The following OSBPL1A variants were observed in gnomAD, a reference collection of about 807,000 sequenced individuals.
The protein encoded by OSBPL1A is oxysterol-binding protein-related protein 1.
Under a neutral mutation model 137.1 loss-of-function variants are expected in OSBPL1A, and 80 were observed. The observed-to-expected ratio is 0.58, with a 90% CI of 0.49 to 0.70. The LOEUF (loss-of-function observed/expected upper bound fraction) is 0.70. Among genes scored for constraint, OSBPL1A ranks in the 30% least tolerant of loss-of-function variants. The probability of loss-of-function intolerance (pLI) is 0.00; values close to 1 mark genes in which losing one functional copy is unlikely to be tolerated. For missense variants in OSBPL1A, 970 were observed against 1,129.4 expected (o/e 0.86, Z 2.02); for synonymous variants, 365 against 389.7 (o/e 0.94, Z 0.75).
intron 7 of OSBPL1A, among the ~76,000 whole-genome samples, chr18:24,322,269 C>T (rs977304730): frequency 2.0e-5 from 3 of 148,994 alleles, no homozygotes; most frequent in African/African-American, 7.4e-5. Flanking sequence ...ACCATCACGC[C>T]CGGCTAATTT....
intron 15 of OSBPL1A, among the ~76,000 whole-genome samples, chr18:24,278,342 C>T (rs113637946): frequency 6.6e-6 from 1 of 152,148 alleles, no homozygotes; most frequent in African/African-American, 2.4e-5. Context: ...ATAAAAGCTC[C>T]AAGATACTAT....
intron 7 of OSBPL1A, among the ~76,000 whole-genome samples, chr18:24,320,411 G>C (rs550527951): frequency 6.6e-6 from 1 of 152,180 alleles, no homozygotes; most frequent in Admixed American, 6.5e-5. Context: ...GGAGGATGAG[G>C]GGTTGATCAG....
chr18:24,369,865 G>A (rs1362427946), intron 2 of OSBPL1A, among the ~76,000 whole-genome samples: 1 of 152,136 alleles, frequency 6.6e-6, no homozygotes, highest in Non-Finnish European at 1.5e-5. Context: ...TTATTCTTCA[G>A]GTGGGGTCCC....
At chr18:24,380,551 C>A (rs1906501251) in intron 1 of OSBPL1A, among the ~76,000 whole-genome samples, 1 of 152,228 alleles carries the variant, frequency 6.6e-6, no homozygotes, top group Non-Finnish European at 1.5e-5. Flanking sequence ...ATTCCTGGAT[C>A]CAGGATCCCA....
intron 17 of OSBPL1A, among the ~76,000 whole-genome samples, chr18:24,205,977 G>A (rs1033421369): frequency 6.6e-6 from 1 of 150,760 alleles, no homozygotes; most frequent in Admixed American, 6.6e-5. Flanking sequence ...TGCAACCTCC[G>A]CCTCTGGGGT....
intron 1 of OSBPL1A, among the ~76,000 whole-genome samples, chr18:24,378,392 G>C (rs531816946): frequency 1.3e-5 from 2 of 152,216 alleles, no homozygotes; most frequent in Admixed American, 6.5e-5. Context: ...CAGCAATTTG[G>C]CAATATCAAA....
At chr18:24,310,232 T>A (rs902680642) in intron 13 of OSBPL1A, among the ~76,000 whole-genome samples, 1 of 151,440 alleles carries the variant, frequency 6.6e-6, no homozygotes, top group South Asian at 2.1e-4. Context: ...GAACAAAACA[T>A]TAAGGAATAA....
At chr18:24,338,151 C>T (rs1488805007) in intron 5 of OSBPL1A, among the ~76,000 whole-genome samples, 1 of 151,334 alleles carries the variant, frequency 6.6e-6, no homozygotes, top group Non-Finnish European at 1.5e-5. Flanking sequence ...CGGCTCACTG[C>T]AACCTCTGCC....
intron 18 of OSBPL1A, among the ~76,000 whole-genome samples, chr18:24,195,453 GGGTACAC>G (rs1207883601): frequency 6.6e-6 from 1 of 152,186 alleles, no homozygotes; most frequent in Non-Finnish European, 1.5e-5. Context: ...AGTGCTCCCA[GGGTACAC>G]ATTCAATTGC....
chr18:24,231,941 CA>C (rs2088296131), intron 16 of OSBPL1A, among the ~76,000 whole-genome samples: 1 of 152,176 alleles, frequency 6.6e-6, no homozygotes, highest in African/African-American at 2.4e-5. Context: ...AAATAGTACA[CA>C]AAGCAGCAAG....
chr18:24,339,134 G>T (rs941261472), intron 5 of OSBPL1A, among the ~76,000 whole-genome samples: 3 of 152,068 alleles, frequency 2.0e-5, no homozygotes, highest in Non-Finnish European at 2.9e-5. Flanking sequence ...ACTACGCCCA[G>T]CTAATTTTTG....
intron 7 of OSBPL1A, among the ~76,000 whole-genome samples, chr18:24,323,241 GAATAAAAAAC>G (rs1351395101): frequency 6.6e-6 from 1 of 151,724 alleles, no homozygotes; most frequent in Non-Finnish European, 1.5e-5. Context: ...ACAGATGAGT[GAATAAAAAAC>G]AATAAAAAAT....
At chr18:24,212,126 G>C (rs2087563142) in intron 17 of OSBPL1A, among the ~76,000 whole-genome samples, 1 of 151,150 alleles carries the variant, frequency 6.6e-6, no homozygotes, top group African/African-American at 2.4e-5. Context: ...GGAGTACAGT[G>C]GTGTGATCTT....
intron 14 of OSBPL1A, among the ~76,000 whole-genome samples, chr18:24,293,127 AAG>A (rs1457367978): frequency 7.9e-4 from 49 of 61,930 alleles, no homozygotes; most frequent in African/African-American, 1.3e-3. Flanking sequence ...AAAAAAAAAA[AAG>A]AAAAGAAAAG....
chr18:24,359,655 T>C (rs2091592548), intron 4 of OSBPL1A, among the ~76,000 whole-genome samples: 1 of 151,612 alleles, frequency 6.6e-6, no homozygotes, highest in Non-Finnish European at 1.5e-5. Flanking sequence ...CCAGCATGGG[T>C]GAAAGAGTGA....
intron 14 of OSBPL1A, among the ~76,000 whole-genome samples, chr18:24,281,889 G>T (rs541444032): frequency 6.6e-6 from 1 of 152,302 alleles, no homozygotes; most frequent in African/African-American, 2.4e-5. Context: ...AGTGGAGGGT[G>T]AGTGAGCATT....
intron 15 of OSBPL1A, among the ~76,000 whole-genome samples, chr18:24,274,314 G>T (rs2089796170): frequency 6.6e-6 from 1 of 151,916 alleles, no homozygotes; most frequent in African/African-American, 2.4e-5. Context: ...CAGTTCCCAT[G>T]ATCCTGGCCT....
intron 15 of OSBPL1A, among the ~76,000 whole-genome samples, chr18:24,256,993 G>GAAAAAAAAAAAAAAAAAAAAAAAAA (rs1182823148): frequency 1.3e-5 from 1 of 75,806 alleles, no homozygotes; most frequent in Admixed American, 1.1e-4. Flanking sequence ...AAAAAAAAAG[G>GAAAAAAAAAAAAAAAAAAAAAAAAA]AAAGATATTC....
At chr18:24,240,199 C>T (rs1039140460) in intron 15 of OSBPL1A, among the ~76,000 whole-genome samples, 5 of 152,162 alleles carry the variant, frequency 3.3e-5, no homozygotes, top group Admixed American at 2.6e-4. Context: ...GCTGGGATTA[C>T]AGGCCTGAGC....
Sources: allele counts gnomAD v4.1 joint callset (sites outside exome capture counted in the v4.1 genomes callset), GRCh38; gene constraint gnomAD v4.1.1; transcripts MANE v1.5; gene names NCBI Gene and HGNC (gene_info 2026-07-23, HGNC 2026-07-21).